Variants in NEDD9 observed in about 807,000 individuals in gnomAD.
The protein encoded by NEDD9 is enhancer of filamentation 1.
Under a neutral mutation model 76.6 loss-of-function variants are expected in NEDD9, and 26 were observed. The ratio of observed to expected loss-of-function variants is 0.34; its 90% confidence interval spans 0.25 to 0.47. The LOEUF is 0.47. Ranked by LOEUF, NEDD9 falls within the 20% of genes least tolerant of loss-of-function variation. The pLI is 1.00. For missense variants in NEDD9, 937 were observed against 1,058.5 expected, an observed-to-expected ratio of 0.89 and a Z score of 1.59; for synonymous variants, 392 against 414.2, an observed-to-expected ratio of 0.95 and a Z score of 0.65.
At chr6:11,349,609 T>C (rs980543736) in intron 1 of NEDD9, among the ~76,000 whole-genome samples, 1 of 152,234 alleles carries the variant, frequency 6.6e-6, no homozygotes, top group Non-Finnish European at 1.5e-5. Context: ...AATGAGAGCA[T>C]GTTCTTTGCA....
chr6:11,299,029 G>A (rs1432251466), intron 3 of NEDD9, among the ~76,000 whole-genome samples: 1 of 152,208 alleles, frequency 6.6e-6, no homozygotes, highest in Non-Finnish European at 1.5e-5. Flanking sequence ...CTGAAGCAGG[G>A]TGGGGCATTG....
intron 1 of NEDD9, among the ~76,000 whole-genome samples, chr6:11,226,063 G>C (rs930183997): frequency 6.6e-6 from 1 of 152,042 alleles, no homozygotes; most frequent in Non-Finnish European, 1.5e-5. Flanking sequence ...TCCAATGAAG[G>C]GTACAAAAGG....
intron 1 of NEDD9, among the ~76,000 whole-genome samples, chr6:11,360,356 A>G (rs1762656789): frequency 6.6e-6 from 1 of 152,240 alleles, no homozygotes; most frequent in African/African-American, 2.4e-5. Flanking sequence ...AGGGAAGAGC[A>G]GAAAGTGAAT....
chr6:11,305,766 T>C, intron 3 of NEDD9: 1 of 569,428 alleles, frequency 1.8e-6, no homozygotes, highest in Non-Finnish European at 3.1e-6. Context: ...TCCCCAGAGA[T>C]TTCTGGATGG....
chr6:11,362,333 G>A (rs771708516), intron 1 of NEDD9, among the ~76,000 whole-genome samples: 23 of 152,160 alleles, frequency 1.5e-4, no homozygotes, highest in Non-Finnish European at 2.5e-4. Flanking sequence ...TATAGTACTC[G>A]GTTCTAGCAG....
chr6:11,293,876 A>G (rs1233255996), intron 3 of NEDD9, among the ~76,000 whole-genome samples: 1 of 152,096 alleles, frequency 6.6e-6, no homozygotes, highest in African/African-American at 2.4e-5. Flanking sequence ...ATATAAAGTG[A>G]GATCATGTAG....
chr6:11,347,989 A>G (rs1762396190), intron 1 of NEDD9, among the ~76,000 whole-genome samples: 1 of 152,222 alleles, frequency 6.6e-6, no homozygotes, highest in Non-Finnish European at 1.5e-5. Flanking sequence ...ATAGGAAGAG[A>G]GGAAGTCTAT....
intron 2 of NEDD9, among the ~76,000 whole-genome samples, chr6:11,318,091 T>G (rs1413592822): frequency 6.6e-6 from 1 of 152,156 alleles, no homozygotes; most frequent in Non-Finnish European, 1.5e-5. Flanking sequence ...GTCTCAAACC[T>G]GCTGGCCTTT....
chr6:11,357,131 C>T (rs933025753), intron 1 of NEDD9, among the ~76,000 whole-genome samples: 1 of 152,164 alleles, frequency 6.6e-6, no homozygotes, highest in African/African-American at 2.4e-5. Flanking sequence ...CAATTCCTTC[C>T]AGGCTTTCTT....
chr6:11,268,732 C>G (rs55637840), intron 3 of NEDD9, among the ~76,000 whole-genome samples: 4 of 125,566 alleles, frequency 3.2e-5, no homozygotes, highest in Admixed American at 2.2e-4. Flanking sequence ...CCATCACACA[C>G]ACACACACAC....
At chr6:11,300,679 A>G (rs1002284890) in intron 3 of NEDD9, among the ~76,000 whole-genome samples, 2 of 152,240 alleles carry the variant, frequency 1.3e-5, no homozygotes, top group African/African-American at 4.8e-5. Context: ...CAGAAACCCT[A>G]CAAGCCAGAA....
chr6:11,236,071 C>T (rs977079556), upstream of NEDD9, among the ~76,000 whole-genome samples: 1 of 152,226 alleles, frequency 6.6e-6, no homozygotes, highest in Non-Finnish European at 1.5e-5. The surrounding 1 kb of genome is among the most constrained non-coding windows in gnomAD (Gnocchi z 5.5). Context: ...TAAAACTCTT[C>T]AGGGAAACAC....
At chr6:11,339,559 C>A (rs1362305842) in intron 1 of NEDD9, among the ~76,000 whole-genome samples, 1 of 152,216 alleles carries the variant, frequency 6.6e-6, no homozygotes, top group East Asian at 1.9e-4. Flanking sequence ...ACTGGTGCAT[C>A]CTGCCCCACC....
At chr6:11,206,737 C>G (rs1053611720) in intron 2 of NEDD9, among the ~76,000 whole-genome samples, 1 of 152,160 alleles carries the variant, frequency 6.6e-6, no homozygotes, top group East Asian at 1.9e-4. Flanking sequence ...CAAAAAGGAC[C>G]TTTGTTAATT....
chr6:11,306,110 G>A, exon 3 of NEDD9: 1 of 1,351,178 alleles, frequency 7.4e-7, no homozygotes, highest in Non-Finnish European at 1.1e-6. Context: ...AAGAACATAT[G>A]ATGTTTGCCA....
intron 3 of NEDD9, among the ~76,000 whole-genome samples, chr6:11,291,269 T>A (rs948920276): frequency 8.3e-6 from 1 of 120,196 alleles, no homozygotes; most frequent in African/African-American, 4.6e-5. Flanking sequence ...AGAATGAGGT[T>A]TTTTTTTTTT....
chr6:11,355,721 T>A (rs1266582258), intron 1 of NEDD9, among the ~76,000 whole-genome samples: 1 of 152,052 alleles, frequency 6.6e-6, no homozygotes, highest in Middle Eastern at 3.2e-3. Flanking sequence ...TTAGGTTTTT[T>A]TTTTTAATTA....
intron 3 of NEDD9, among the ~76,000 whole-genome samples, chr6:11,243,962 A>G (rs2113294847): frequency 6.6e-6 from 1 of 152,318 alleles, no homozygotes; most frequent in East Asian, 1.9e-4. Flanking sequence ...TTGATCAAAC[A>G]CTAGTCTAGA....
intron 3 of NEDD9, among the ~76,000 whole-genome samples, chr6:11,304,785 C>T (rs963681639): frequency 6.6e-6 from 1 of 152,086 alleles, no homozygotes; most frequent in African/African-American, 2.4e-5. Context: ...GGTGGGGAAC[C>T]TCACACACCG....
Sources: gnomAD v4.1 joint callset for allele counts (sites outside exome capture counted in the v4.1 genomes callset) on GRCh38, gnomAD v4.1.1 for gene constraint, Gnocchi (gnomAD v3.1) non-coding constraint, MANE v1.5 for transcripts, NCBI Gene and HGNC (gene_info 2026-07-23, HGNC 2026-07-21) for gene names.